ANKDD1A: variants seen among roughly 807,000 people sequenced by gnomAD.
ANKDD1A encodes ankyrin repeat and death domain containing 1A.
Under a neutral mutation model 63.5 loss-of-function variants are expected in ANKDD1A, and 59 were observed. The observed-to-expected ratio is 0.93, with a 90% CI of 0.75 to 1.15. ANKDD1A has a LOEUF of 1.15. Ranked by LOEUF, ANKDD1A falls within the 50% of genes most tolerant of loss-of-function variation. ANKDD1A has a pLI of 0.00. For missense variants in ANKDD1A, 632 were observed against 656.4 expected (o/e 0.96, Z 0.41); for synonymous variants, 266 against 263.9 (o/e 1.01, Z -0.08).
chr15:64,921,288 A>G lies in ANKDD1A; in HGVS notation c.268-633A>G, dbSNP rs543799291. On this transcript the variant is annotated intron_variant, in intron 3 of 14. Coordinates refer to ENST00000319580, the MANE Select transcript of ANKDD1A (RefSeq NM_182703.6). ...TTATGAAGCTTTATTTGTCAAGTAT[A>G]TATTCTAAGATTGGTTCCTTACAAA... 2.8e-4 allele frequency among the ~76,000 whole-genome samples: 42 copies of G among 152,232 alleles called. 1 individual carries two copies. The highest frequency in any genetic ancestry group is 5.4e-4 in the Non-Finnish European group (37 of 68,052).
chr15:64,944,416 A>C (rs2085207876), intron 11 of ANKDD1A, among the ~76,000 whole-genome samples: 1 of 152,182 alleles, frequency 6.6e-6, no homozygotes, highest in African/African-American at 2.4e-5. Context: ...AGAGCTTCCT[A>C]ATTTCTAAAG....
chr15:64,928,873 T>C (rs1329788225), intron 6 of ANKDD1A, among the ~76,000 whole-genome samples: 1 of 152,234 alleles, frequency 6.6e-6, no homozygotes, highest in African/African-American at 2.4e-5. Flanking sequence ...GGCATCCATG[T>C]GTGCCACTTG....
At chr15:64,943,172 CTAAATAT>C (rs1402839418) in intron 10 of ANKDD1A, 4 of 315,444 alleles carry the variant, frequency 1.3e-5, no homozygotes, top group Non-Finnish European at 2.4e-5. Flanking sequence ...TGAAAATGGC[CTAAATAT>C]TTAATAATAG....
intron 6 of ANKDD1A, among the ~76,000 whole-genome samples, chr15:64,927,486 G>A (rs544750225): frequency 9.2e-5 from 14 of 152,294 alleles, no homozygotes; most frequent in African/African-American, 3.1e-4. Flanking sequence ...CTTGTGAGCA[G>A]GATTTCACCA....
At position 64,951,367 on chromosome 15, in the gene ANKDD1A, TTTC is replaced by T. The variant is rs780040106; in HGVS notation, c.1483+1401_1483+1403del. ...TCTTTCCTCTTCTTTCTTCTTCCTC[TTTC>T]TTCTTTCTTTTTCTTTTCTTCTTCC... On this transcript the variant is annotated intron_variant, in intron 14 of 14. Transcript: ENST00000319580. The T allele has an allele frequency of 4.9e-3, 2,413 of 489,360 alleles. 21 individuals carry two copies. The highest frequency in any genetic ancestry group is 7.0e-3 in the Admixed American group (86 of 12,264). 30.3% of individuals were successfully genotyped at this position (489,360 alleles called of 1,614,324 possible).
At chr15:64,931,643 CG>C (rs2085092745) in intron 8 of ANKDD1A, 58 bp downstream of exon 8, 2 of 1,548,374 alleles carry the variant, frequency 1.3e-6, no homozygotes, top group Admixed American at 3.4e-5. Flanking sequence ...ATAGCCATGT[CG>C]GCAGTAACGG....
intron 6 of ANKDD1A, among the ~76,000 whole-genome samples, chr15:64,927,289 C>T (rs1215713016): frequency 6.6e-6 from 1 of 152,150 alleles, no homozygotes; most frequent in East Asian, 1.9e-4. Flanking sequence ...CGTGGCTGGC[C>T]AGGGTGGCAG....
At chr15:64,953,523 TCC>T (rs2085343766) in intron 14 of ANKDD1A, among the ~76,000 whole-genome samples, 3 of 125,602 alleles carry the variant, frequency 2.4e-5, no homozygotes, top group African/African-American at 7.9e-5. Context: ...TTCTCCTTCT[TCC>T]TTCTTCTCCT....
chr15:64,922,973 C>T (rs2085018339), intron 4 of ANKDD1A, among the ~76,000 whole-genome samples: 2 of 152,170 alleles, frequency 1.3e-5, no homozygotes, highest in South Asian at 4.1e-4. Flanking sequence ...TTAGACCCTT[C>T]ACTAGATCTT....
intron 11 of ANKDD1A, among the ~76,000 whole-genome samples, chr15:64,943,986 A>G (rs1232188750): frequency 1.3e-5 from 2 of 152,202 alleles, no homozygotes; most frequent in African/African-American, 4.8e-5. Flanking sequence ...CACAGGTGCT[A>G]GTGGTCTCAG....
intron 3 of ANKDD1A, among the ~76,000 whole-genome samples, chr15:64,918,901 C>T (rs1353384039): frequency 1.3e-5 from 2 of 151,968 alleles, no homozygotes; most frequent in African/African-American, 4.8e-5. Context: ...TTGCCATGAG[C>T]CAAGATTGTG....
chr15:64,922,263 G>A, intron 4 of ANKDD1A: 1 of 501,996 alleles, frequency 2.0e-6, no homozygotes, highest in Non-Finnish European at 3.6e-6. Flanking sequence ...TCAGAGGGTA[G>A]TTAGAAAAAT....
intron 3 of ANKDD1A, among the ~76,000 whole-genome samples, chr15:64,920,959 T>G (rs192889878): frequency 3.9e-4 from 60 of 152,180 alleles, no homozygotes; most frequent in African/African-American, 1.4e-3. Context: ...GAAGCTACAT[T>G]TGTTTTTTTG....
intron 1 of ANKDD1A, among the ~76,000 whole-genome samples, chr15:64,912,326 G>A (rs1396959265): frequency 6.6e-6 from 1 of 152,242 alleles, no homozygotes; most frequent in East Asian, 1.9e-4. Context: ...AGGACATTAT[G>A]TTATCTTCAT....
chr15:64,913,768 C>A (rs745777389), intron 1 of ANKDD1A, among the ~76,000 whole-genome samples: 12 of 152,192 alleles, frequency 7.9e-5, no homozygotes, highest in Non-Finnish European at 1.3e-4. Context: ...CCAAGACACT[C>A]GTCACCTGTC....
In ANKDD1A at chr15:64,921,990, T is replaced by A; in HGVS notation, c.337T>A (p.Ser113Thr). Reference protein sequence around the residue: ...HLRILQILVNSGAKIHCESKD... With the variant: ...HLRILQILVNTGAKIHCESKD... ...ACGAATCCTCCAGATCTTGGTAAAC[T>A]CAGGGGCCAAGATCCACTGTGAGAG... Residue 113 changes from serine to threonine, a missense_variant, in exon 4 of 15, where the codon TCA (serine) becomes ACA (threonine). Coordinates refer to ENST00000319580, the MANE Select transcript of ANKDD1A (RefSeq NM_182703.6). 1 of 1,614,126 alleles carries A rather than the reference T, an allele frequency of 6.2e-7. No individual in the cohort carries two copies. Among genetic ancestry groups the A allele is most frequent in the South Asian group, 1.1e-5 (1 of 91,076 alleles).
chr15:64,952,690 T>C (rs995356328), intron 14 of ANKDD1A, among the ~76,000 whole-genome samples: 10 of 146,362 alleles, frequency 6.8e-5, no homozygotes, highest in Non-Finnish European at 1.5e-4. Flanking sequence ...CTTCCTCTCC[T>C]TTTTCTTCTT....
At chr15:64,932,951 G>A (rs1001201499) in intron 8 of ANKDD1A, among the ~76,000 whole-genome samples, 79 of 140,958 alleles carry the variant, frequency 5.6e-4, no homozygotes, top group Middle Eastern at 3.6e-3. Flanking sequence ...CCTGTCTCAA[G>A]AAAAAAAAAA....
At chr15:64,918,625 A>C (rs910804278) in intron 3 of ANKDD1A, among the ~76,000 whole-genome samples, 6 of 152,128 alleles carry the variant, frequency 3.9e-5, no homozygotes, top group Non-Finnish European at 7.4e-5. Context: ...AAAAGAAGCT[A>C]CGAGGGAGAA....
Sources: gnomAD v4.1 joint callset for allele counts (sites outside exome capture counted in the v4.1 genomes callset) on GRCh38, gnomAD v4.1.1 for gene constraint, MANE v1.5 for transcripts, NCBI Gene and HGNC (gene_info 2026-07-23, HGNC 2026-07-21) for gene names.